The following RABGAP1L variants were observed in gnomAD, a reference collection of about 807,000 sequenced individuals.
RABGAP1L encodes the protein rab GTPase-activating protein 1-like.
RABGAP1L carries 63 observed loss-of-function variants against 137.7 expected under a neutral mutation model. That is an observed-to-expected ratio of 0.46 (90% CI 0.37 to 0.56). RABGAP1L has a LOEUF of 0.56. RABGAP1L is among the 20% of genes least tolerant of loss of function. RABGAP1L has a pLI of 0.00. For synonymous variants in RABGAP1L, 431 were observed against 433.7 expected (o/e 0.99, Z 0.08); for missense variants, 1,095 against 1,244.0 (o/e 0.88, Z 1.80).
At chr1:174,690,000 AT>A (rs1678761602) in intron 15 of RABGAP1L, among the ~76,000 whole-genome samples, 1 of 152,194 alleles carries the variant, frequency 6.6e-6, no homozygotes, top group African/African-American at 2.4e-5. Flanking sequence ...AGAAAGAAGC[AT>A]TCATTTTCCT....
chr1:174,414,143 G>T (rs755191928), intron 13 of RABGAP1L, among the ~76,000 whole-genome samples: 9 of 151,824 alleles, frequency 5.9e-5, no homozygotes, highest in Non-Finnish European at 1.0e-4. Flanking sequence ...CATATATTTC[G>T]TGCATTCATG....
intron 14 of RABGAP1L, among the ~76,000 whole-genome samples, chr1:174,637,816 G>A (rs192892255): frequency 1.5e-3 from 230 of 152,324 alleles, no homozygotes; most frequent in African/African-American, 5.2e-3. Flanking sequence ...AGATCATGCA[G>A]CAATTGTCTC....
Position 174,988,708 on chromosome 1 carries a change from C to T in RABGAP1L, c.2873C>T (p.Ala958Val). 6.5e-7 allele frequency: 1 copy of T among 1,548,606 alleles called. No individual in the cohort carries two copies. The highest frequency in any genetic ancestry group is 8.7e-7 in the Non-Finnish European group (1 of 1,146,042). Residue 958 changes from alanine (A) to valine (V), a missense_variant, in exon 25 of 26, where the codon GCC becomes GTC. Coordinates refer to ENST00000681986, the MANE Select transcript of RABGAP1L (RefSeq NM_001366446.1). The stretch of plus-strand genomic sequence containing the variant: ...AAGGAGGGTGCTTTGAAACTAGCAG[C>T]CACAGGCAGAGAGGACCAGGGAATT... Reference protein sequence around the residue: ...FSKEGALKLAATGREDQGIET... With the variant: ...FSKEGALKLAVTGREDQGIET...
At chr1:174,250,320 C>G (rs1191894966) in intron 5 of RABGAP1L, among the ~76,000 whole-genome samples, 155 bp from the exon 6 acceptor site, 9 of 151,730 alleles carry the variant, frequency 5.9e-5, no homozygotes, top group Non-Finnish European at 8.8e-5. Flanking sequence ...CATGTAATAT[C>G]TAAACAATGA....
intron 1 of RABGAP1L, among the ~76,000 whole-genome samples, chr1:174,195,132 T>A (rs1409922803): frequency 6.6e-6 from 1 of 152,232 alleles, no homozygotes; most frequent in Non-Finnish European, 1.5e-5. Context: ...TATGTACATG[T>A]GCAGATATGG....
At chr1:174,657,788 A>G (rs1465115646) in intron 14 of RABGAP1L, among the ~76,000 whole-genome samples, 3 of 152,056 alleles carry the variant, frequency 2.0e-5, no homozygotes, top group Admixed American at 6.5e-5. Context: ...TGGTAGTTCT[A>G]TTTGTAGTTT....
At chr1:174,488,376 G>A (rs1321166783) in intron 13 of RABGAP1L, among the ~76,000 whole-genome samples, 1 of 151,800 alleles carries the variant, frequency 6.6e-6, no homozygotes, top group Non-Finnish European at 1.5e-5. Context: ...GGCCCATAAG[G>A]TTTCCACTTA....
At chr1:174,438,933 G>A (rs1043181359) in intron 13 of RABGAP1L, among the ~76,000 whole-genome samples, 1 of 151,312 alleles carries the variant, frequency 6.6e-6, no homozygotes, top group Non-Finnish European at 1.5e-5. Context: ...GAAATGCAAT[G>A]ATTTTTATAT....
intron 19 of RABGAP1L, among the ~76,000 whole-genome samples, chr1:174,923,690 G>A (rs1662183940): frequency 6.6e-6 from 1 of 152,002 alleles, no homozygotes; most frequent in African/African-American, 2.4e-5. Context: ...GAGACAGCCT[G>A]GCCAACATGT....
chr1:174,427,819 ATAT>A (rs1274072499), intron 13 of RABGAP1L, among the ~76,000 whole-genome samples: 1 of 152,112 alleles, frequency 6.6e-6, no homozygotes, highest in Non-Finnish European at 1.5e-5. Flanking sequence ...TATTTAGCAA[ATAT>A]TATTACCTTC....
intron 11 of RABGAP1L, among the ~76,000 whole-genome samples, chr1:174,332,479 C>T (rs1159490678): frequency 6.6e-6 from 1 of 152,016 alleles, no homozygotes; most frequent in Admixed American, 6.6e-5. Flanking sequence ...TGACTGCAAC[C>T]TCTACGTCTG....
intron 17 of RABGAP1L, among the ~76,000 whole-genome samples, chr1:174,723,554 A>G (rs1038735701): frequency 3.3e-5 from 5 of 152,226 alleles, no homozygotes; most frequent in Non-Finnish European, 5.9e-5. Context: ...CACTGTTTAT[A>G]TAATAAATGA....
intron 19 of RABGAP1L, among the ~76,000 whole-genome samples, chr1:174,946,920 ATATAT>A (rs1558267410): frequency 0.022 from 513 of 23,522 alleles, 26 homozygotes; most frequent in African/African-American, 0.071. Context: ...AAAAAAAAAT[ATATAT>A]ATATATATAT....
intron 1 of RABGAP1L, among the ~76,000 whole-genome samples, chr1:174,168,333 A>C (rs1055506598): frequency 6.6e-6 from 1 of 152,182 alleles, no homozygotes; most frequent in Admixed American, 6.5e-5. Flanking sequence ...GACCATTGAA[A>C]AATCAACCAT....
chr1:174,453,262 A>G (rs1655641764), intron 13 of RABGAP1L, among the ~76,000 whole-genome samples: 1 of 152,158 alleles, frequency 6.6e-6, no homozygotes, highest in South Asian at 2.1e-4. Flanking sequence ...TTTGCACTTT[A>G]ATTTTCCTCA....
intron 13 of RABGAP1L, among the ~76,000 whole-genome samples, chr1:174,589,454 T>A (rs1438160916): frequency 2.0e-5 from 3 of 152,162 alleles, no homozygotes; most frequent in African/African-American, 7.2e-5. Flanking sequence ...TTTTAACTTG[T>A]TAACTTGATA....
At chr1:174,545,450 G>A (rs2147956513) in intron 13 of RABGAP1L, 4 of 152,438 alleles carry the variant, frequency 2.6e-5, no homozygotes, top group Non-Finnish European at 5.9e-5. Context: ...AAGACCATTG[G>A]AAAAGCGCAG....
At chr1:174,891,643 A>C (rs572802014) in intron 19 of RABGAP1L, among the ~76,000 whole-genome samples, 1 of 152,096 alleles carries the variant, frequency 6.6e-6, no homozygotes, top group Non-Finnish European at 1.5e-5. Context: ...CTGGTACTAC[A>C]GGCACATGCC....
At chr1:174,743,766 C>T (rs1408542237) in intron 17 of RABGAP1L, among the ~76,000 whole-genome samples, 2 of 151,946 alleles carry the variant, frequency 1.3e-5, no homozygotes, top group Non-Finnish European at 2.9e-5. Context: ...TTAATCTGTA[C>T]AAACAAGTGT....
Sources: allele counts gnomAD v4.1 joint callset (sites outside exome capture counted in the v4.1 genomes callset), GRCh38; gene constraint gnomAD v4.1.1; transcripts MANE v1.5; gene names NCBI Gene and HGNC (gene_info 2026-07-23, HGNC 2026-07-21).